RPTOR: variants seen among roughly 807,000 people sequenced by gnomAD.
RPTOR encodes the protein regulatory-associated protein of mTOR.
Under a neutral mutation model 169.9 loss-of-function variants are expected in RPTOR, and 21 were observed. The observed-to-expected ratio is 0.12, with a 90% CI of 0.09 to 0.18. RPTOR has a LOEUF of 0.18. RPTOR is among the 10% of genes least tolerant of loss of function. RPTOR has a pLI of 1.00. For synonymous variants in RPTOR, 732 were observed against 753.2 expected (o/e 0.97, Z 0.46); for missense variants, 1,133 against 1,855.9 (o/e 0.61, Z 7.16).
At chr17:80,745,337 A>G (rs1291005345) in intron 5 of RPTOR, among the ~76,000 whole-genome samples, 1 of 152,150 alleles carries the variant, frequency 6.6e-6, no homozygotes, top group Non-Finnish European at 1.5e-5. Context: ...AAGGGGCTTT[A>G]GCTAGCCTTG....
At chr17:80,873,776 T>C (rs1341862381) in intron 13 of RPTOR, among the ~76,000 whole-genome samples, 1 of 152,236 alleles carries the variant, frequency 6.6e-6, no homozygotes, top group African/African-American at 2.4e-5. Flanking sequence ...GCTGGGTTAT[T>C]GACACCAGAA....
At chr17:80,781,672 T>C (rs1567908512) in intron 6 of RPTOR, among the ~76,000 whole-genome samples, 1 of 152,256 alleles carries the variant, frequency 6.6e-6, no homozygotes, top group Non-Finnish European at 1.5e-5. Context: ...TACACTGGGC[T>C]TGGATCGCCC....
intron 3 of RPTOR, among the ~76,000 whole-genome samples, chr17:80,681,908 A>G (rs2065901794): frequency 1.3e-5 from 2 of 152,180 alleles, no homozygotes; most frequent in Non-Finnish European, 2.9e-5. Flanking sequence ...CTGAGGAAGA[A>G]TGAATTTGTC....
chr17:80,897,059 G>A (rs1011080656), intron 20 of RPTOR, among the ~76,000 whole-genome samples: 1 of 151,982 alleles, frequency 6.6e-6, no homozygotes, highest in African/African-American at 2.4e-5. Context: ...GAGGTCAGGA[G>A]ATCAAGACCA....
intron 10 of RPTOR, among the ~76,000 whole-genome samples, chr17:80,846,072 G>A (rs1456960288): frequency 6.6e-5 from 10 of 152,110 alleles, no homozygotes; most frequent in South Asian, 2.1e-4. Flanking sequence ...ACTCCCAAGC[G>A]TGTCCCCAGC....
At chr17:80,950,669 G>GGGCAAAACAAGATCCCCA (rs756811952) in intron 28 of RPTOR, among the ~76,000 whole-genome samples, 34 of 152,280 alleles carry the variant, frequency 2.2e-4, no homozygotes, top group Non-Finnish European at 4.4e-4. Context: ...CCCTGGGACA[G>GGGCAAAACAAGATCCCCA]GGCAGGAAAA....
intron 24 of RPTOR, among the ~76,000 whole-genome samples, chr17:80,925,719 C>T (rs1213600928): frequency 6.6e-6 from 1 of 152,194 alleles, no homozygotes; most frequent in Non-Finnish European, 1.5e-5. Flanking sequence ...TGTCACTTTG[C>T]CTTAACTGAC....
rs1485305954 is a variant in RPTOR, at chr17:80,742,714, ACC to A, written c.655-11294_655-11293del. 3.3e-5 allele frequency among the ~76,000 whole-genome samples: 5 copies of A among 151,942 alleles called. No individual in the cohort carries two copies. In the East Asian group the frequency reaches 9.7e-4, roughly 29 times the overall value. Reference sequence around the variant, plus strand: ...AGACACACATAGACACCATAGACACACCCACACACATACACATGCATGTGCGC... The same window carrying A: ...AGACACACATAGACACCATAGACACACACACACATACACATGCATGTGCGC... On this transcript the variant is annotated intron_variant, in intron 5 of 33. Transcript: ENST00000306801.
chr17:80,700,808 G>GTGA (rs1567864855), intron 3 of RPTOR, among the ~76,000 whole-genome samples: 7 of 76,750 alleles, frequency 9.1e-5, no homozygotes, highest in Non-Finnish European at 1.4e-4. Context: ...GATGATGATG[G>GTGA]TGGTGATGGT....
At chr17:80,630,657 G>A (rs1269919193) in intron 2 of RPTOR, among the ~76,000 whole-genome samples, 1 of 152,228 alleles carries the variant, frequency 6.6e-6, no homozygotes, top group African/African-American at 2.4e-5. Flanking sequence ...CTTTCACTGT[G>A]GCACCTGGGT....
At chr17:80,961,271 G>A (rs9897319) in intron 30 of RPTOR, 123 bp from the exon 31 acceptor site, 277,991 of 823,362 alleles carry the variant, frequency 0.34, 49,101 homozygotes, top group East Asian at 0.58. Context: ...CGTGGGGAGC[G>A]GACGGGCGAG....
chr17:80,852,891 A>C (rs964498310), intron 11 of RPTOR, among the ~76,000 whole-genome samples: 5 of 146,204 alleles, frequency 3.4e-5, no homozygotes, highest in African/African-American at 1.3e-4. Context: ...CCGATCCTCC[A>C]CCCTCACTGG....
chr17:80,887,256 GCTCTGAGGGGGTGTGCTGA>G (rs1419049604), intron 17 of RPTOR, among the ~76,000 whole-genome samples: 6 of 139,296 alleles, frequency 4.3e-5, no homozygotes, highest in Non-Finnish European at 9.4e-5. Flanking sequence ...GGGTGCGCTG[GCTCTGAGGGGGTGTGCTGA>G]CTCTGAGGGG....
chr17:80,677,188 T>A (rs1348405135), intron 3 of RPTOR, among the ~76,000 whole-genome samples: 3 of 152,214 alleles, frequency 2.0e-5, no homozygotes, highest in African/African-American at 7.2e-5. Flanking sequence ...ACCTCTTTTT[T>A]AACTGCCATG....
chr17:80,891,670 A>G (rs2068325575), intron 17 of RPTOR, 50 bp from the exon 18 acceptor site: 1 of 1,283,550 alleles, frequency 7.8e-7, no homozygotes, highest in Non-Finnish European at 1.1e-6. Flanking sequence ...CTGCTCCACA[A>G]TCATTTTCCA....
intron 21 of RPTOR, among the ~76,000 whole-genome samples, chr17:80,916,111 T>C (rs939651173): frequency 2.6e-5 from 4 of 152,186 alleles, no homozygotes; most frequent in African/African-American, 9.7e-5. Flanking sequence ...ATGTCAGGGC[T>C]ACAAGAGCTC....
At chr17:80,777,549 T>TG (rs1461247809) in intron 6 of RPTOR, among the ~76,000 whole-genome samples, 1 of 150,682 alleles carries the variant, frequency 6.6e-6, no homozygotes, top group East Asian at 1.9e-4. Flanking sequence ...CCTTTGTTGT[T>TG]TTTTTTTTTG....
intron 5 of RPTOR, among the ~76,000 whole-genome samples, chr17:80,741,831 G>A (rs1279735542): frequency 6.6e-6 from 1 of 152,162 alleles, no homozygotes; most frequent in Non-Finnish European, 1.5e-5. Context: ...CGAGGCCTGC[G>A]TTCGGTGGTG....
intron 6 of RPTOR, among the ~76,000 whole-genome samples, chr17:80,761,487 A>G (rs1489857430): frequency 6.6e-6 from 1 of 152,254 alleles, no homozygotes; most frequent in South Asian, 2.1e-4. Flanking sequence ...CGGAAGATGC[A>G]TGGGTTTCCT....
Sources: allele counts gnomAD v4.1 joint callset (sites outside exome capture counted in the v4.1 genomes callset), GRCh38; gene constraint gnomAD v4.1.1; transcripts MANE v1.5; gene names NCBI Gene and HGNC (gene_info 2026-07-23, HGNC 2026-07-21).